ADAP1: variants seen among roughly 807,000 people sequenced by gnomAD.
ADAP1 encodes the protein ArfGAP with dual PH domains 1.
In ADAP1, 31 loss-of-function variants were observed where a neutral mutation model predicts 54.9. The ratio of observed to expected loss-of-function variants is 0.56; its 90% CI spans 0.42 to 0.76. The LOEUF (loss-of-function observed/expected upper bound fraction) is 0.76. Ranked by LOEUF, ADAP1 falls within the 30% of genes least tolerant of loss-of-function variation. The pLI, the probability that ADAP1 is intolerant of heterozygous loss-of-function variation, is 0.00. For synonymous variants in ADAP1, 313 were observed against 202.6 expected, an observed-to-expected ratio of 1.55 and a Z score of -4.63; for missense variants, 535 against 512.4, an observed-to-expected ratio of 1.04 and a Z score of -0.42.
At chr7:907,106 T>G (rs1384118633) in intron 4 of ADAP1, among the ~76,000 whole-genome samples, 1 of 152,076 alleles carries the variant, frequency 6.6e-6, no homozygotes, top group Non-Finnish European at 1.5e-5. Context: ...CATCCCCTCT[T>G]TTTTCAGGAA....
intron 1 of ADAP1, among the ~76,000 whole-genome samples, chr7:954,164 G>C (rs1847332413): frequency 1.3e-5 from 2 of 151,596 alleles, no homozygotes; most frequent in Non-Finnish European, 3.0e-5. Context: ...GTTTCCGGGG[G>C]TCCTGGGGGG....
rs1562915273 is a variant in ADAP1 at position 906,699 on chromosome 7, ACATGGGGGACGG to A, written c.389-1539_389-1528del. 6.0e-3 allele frequency among the ~76,000 whole-genome samples: 203 copies of A among 33,666 alleles called. 14 individuals carry two copies. The highest frequency in any genetic ancestry group is 0.04 in the East Asian group (10 of 250). 22.1% of individuals were successfully genotyped at this position (33,666 alleles called of 152,430 possible). Reference sequence around the variant, plus strand: ...TGGACAGGGGACACGGGGGACATGGACATGGGGGACGGGACATCGGGGACGGGACATGGGGGA... The same window carrying A: ...TGGACAGGGGACACGGGGGACATGGAGACATCGGGGACGGGACATGGGGGA... On this transcript the variant is annotated intron_variant, in intron 4 of 10. Transcript: ENST00000265846.
At position 945,926 on chromosome 7, in the gene ADAP1, A is replaced by G; in HGVS notation, c.82+8470T>C. 1.6e-6 allele frequency: 1 copy of G among 636,924 alleles called. No homozygotes were observed. Among genetic ancestry groups the G allele is most frequent in the Non-Finnish European group, 2.0e-6 (1 of 511,582 alleles). 39.5% of individuals were successfully genotyped at this position (636,924 alleles called of 1,614,324 possible). A position where few individuals can be genotyped will look rare whatever the true frequency, so the allele number is the denominator to read the frequency against. The stretch of plus-strand genomic sequence containing the variant: ...ACGGGCAGGGGGAAGGGCAGTAGCC[A>G]AGCCTGTCCATGGGGCCCTGGTTCC... On this transcript the variant is annotated intron_variant, in intron 1 of 10. Transcript: ENST00000265846. This position sits in a 1 kb window ranked among gnomAD's most constrained non-coding sequence, Gnocchi z 4.2.
rs1283219255 is a variant in ADAP1, at chr7:946,090, C to T, written c.82+8306G>A. Among the ~76,000 whole-genome samples the T allele has an allele frequency of 1.3e-5, 2 of 152,216 alleles. No homozygotes were observed. The highest frequency in any genetic ancestry group is 4.8e-5 in the African/African-American group (2 of 41,456). ...CCCTTGTGGGAGGGGCTCCGGTGCC[C>T]ACCACCCTTCACAGCTACGTGAGGC... On this transcript the variant is annotated intron_variant, in intron 1 of 10. Coordinates refer to ENST00000265846, the MANE Select transcript of ADAP1 (RefSeq NM_006869.4). This position sits in a 1 kb window ranked among gnomAD's most constrained non-coding sequence, Gnocchi z 4.3.
chr7:937,712 T>TGCCCGGCCTCTGGGATTTGGGGGTCAC (rs1846821362), intron 1 of ADAP1, among the ~76,000 whole-genome samples: 1 of 15,916 alleles, frequency 6.3e-5, no homozygotes, highest in African/African-American at 3.4e-4. Context: ...TTGGGGGTCA[T>TGCCCGGCCTCTGGGATTTGGGGGTCAC]GCCCGACCTC....
At chr7:899,632 C>T in intron 8 of ADAP1, 142 bp from the exon 9 acceptor site, 1 of 888,702 alleles carries the variant, frequency 1.1e-6, no homozygotes, top group Non-Finnish European at 1.7e-6. Flanking sequence ...GCTGGCCACG[C>T]CCCACGAGGC....
chr7:919,611 TGA>T (rs988395189), intron 4 of ADAP1, among the ~76,000 whole-genome samples: 9 of 128,218 alleles, frequency 7.0e-5, no homozygotes, highest in South Asian at 2.7e-4. Context: ...AGACAGAGAA[TGA>T]GAGACAGACA....
At chr7:944,085 T>G (rs2128111445) in intron 1 of ADAP1, among the ~76,000 whole-genome samples, 1 of 151,954 alleles carries the variant, frequency 6.6e-6, no homozygotes, top group African/African-American at 2.4e-5. Context: ...CCAGCTACTT[T>G]AAAAAACTTT....
rs571626140 is a variant in ADAP1, at chr7:907,451, G to A, written c.389-2279C>T. On this transcript the variant is annotated intron_variant, in intron 4 of 10. Transcript: ENST00000265846. Reference sequence around the variant, plus strand: ...ACCAGCTCTGCCCACTCCGAGTCTCGGGCCCGTGGGATCGTCCTGGAGCTC... The same window carrying A: ...ACCAGCTCTGCCCACTCCGAGTCTCAGGCCCGTGGGATCGTCCTGGAGCTC... 6.9e-4 allele frequency among the ~76,000 whole-genome samples: 105 copies of A among 152,232 alleles called. 2 individuals carry two copies. The highest frequency in any genetic ancestry group is 3.5e-4 in the Non-Finnish European group (24 of 67,986).
intron 1 of ADAP1, among the ~76,000 whole-genome samples, chr7:951,476 C>A (rs190459048): frequency 1.3e-5 from 2 of 152,162 alleles, no homozygotes; most frequent in Admixed American, 1.3e-4. Flanking sequence ...CCCACCCTCA[C>A]CCATGCCGGC....
At chr7:904,979 G>T (rs529288242) in intron 5 of ADAP1, 81 bp downstream of exon 5, 2 of 1,250,556 alleles carry the variant, frequency 1.6e-6, no homozygotes, top group African/African-American at 1.5e-5. Flanking sequence ...GCGGATGGAC[G>T]CGGCCACCAC....
chr7:926,798 C>T lies in ADAP1; in HGVS notation c.214-154G>A, dbSNP rs545013401. On this transcript the variant is annotated intron_variant, in intron 2 of 10. Transcript: ENST00000265846. The surrounding 1 kb of genome is among the most constrained non-coding windows in gnomAD (Gnocchi z 4.6). Reference sequence around the variant, plus strand: ...GGACGGGAACGCCACCTCCTCCTGCCCCAGGGACACCATTTCTGAGTGATC... The same window carrying T: ...GGACGGGAACGCCACCTCCTCCTGCTCCAGGGACACCATTTCTGAGTGATC... The T allele has an allele frequency of 4.1e-6, 3 of 727,606 alleles. No individual in the cohort carries two copies. In the South Asian group the frequency reaches 6.1e-5, roughly 15 times the overall value. The allele number at this position is 727,606 out of a possible 1,614,324, so 45.1% of individuals were successfully genotyped here. A position where few individuals can be genotyped will look rare whatever the true frequency, so the allele number is the denominator to read the frequency against.
Position 926,980 on chromosome 7 carries a change from G to C in ADAP1, c.214-336C>G. On this transcript the variant is annotated intron_variant, in intron 2 of 10. Coordinates refer to ENST00000265846, the MANE Select transcript of ADAP1 (RefSeq NM_006869.4). The surrounding 1 kb of genome is among the most constrained non-coding windows in gnomAD (Gnocchi z 4.6). ...CACACCGGGTGTCCCGTGGGAGAGA[G>C]CTGGCTGCATCCTGTGACCCCCATC... The C allele has an allele frequency of 7.9e-7, 1 of 1,265,892 alleles. No individual in the cohort carries two copies. Among genetic ancestry groups the C allele is most frequent in the Non-Finnish European group, 1.0e-6 (1 of 980,708 alleles). The allele number at this position is 1,265,892 out of a possible 1,614,324, so 78.4% of individuals were successfully genotyped here. A position where few individuals can be genotyped will look rare whatever the true frequency, so the allele number is the denominator to read the frequency against.
intron 4 of ADAP1, among the ~76,000 whole-genome samples, chr7:907,891 G>A (rs1188903504): frequency 2.0e-5 from 3 of 152,044 alleles, no homozygotes; most frequent in Non-Finnish European, 2.9e-5. Flanking sequence ...TCCGGAGGTC[G>A]CGGGGCCGTC....
intron 6 of ADAP1, among the ~76,000 whole-genome samples, chr7:902,159 T>C (rs1844850261): frequency 6.6e-6 from 1 of 151,008 alleles, no homozygotes; most frequent in Non-Finnish European, 1.5e-5. Flanking sequence ...CGGTCTCTAC[T>C]AAAAATACAA....
At chr7:948,860 C>A (rs1583190970) in intron 1 of ADAP1, among the ~76,000 whole-genome samples, 1 of 152,150 alleles carries the variant, frequency 6.6e-6, no homozygotes, top group African/African-American at 2.4e-5. Flanking sequence ...CCACACCCAA[C>A]TAATTTTTGT....
chr7:913,873 T>G (rs953766898), intron 4 of ADAP1, among the ~76,000 whole-genome samples: 63 of 152,282 alleles, frequency 4.1e-4, no homozygotes, highest in Non-Finnish European at 6.2e-4. Context: ...AGGTGGACAT[T>G]GCGGTGAGCT....
chr7:929,850 T>G (rs1344626369), intron 2 of ADAP1, among the ~76,000 whole-genome samples: 1 of 151,790 alleles, frequency 6.6e-6, no homozygotes, highest in Non-Finnish European at 1.5e-5. Flanking sequence ...AAGCCTGTAA[T>G]CCCAGCGCTT....
At chr7:899,602 T>C in intron 8 of ADAP1, 112 bp from the exon 9 acceptor site, 2 of 1,232,662 alleles carry the variant, frequency 1.6e-6, no homozygotes, top group Non-Finnish European at 1.1e-6. Context: ...GTCAGTCACC[T>C]CCATTCACTC....
Sources: allele counts gnomAD v4.1 joint callset (sites outside exome capture counted in the v4.1 genomes callset), GRCh38; gene constraint gnomAD v4.1.1; non-coding constraint Gnocchi (gnomAD v3.1); transcripts MANE v1.5; gene names NCBI Gene and HGNC (gene_info 2026-07-23, HGNC 2026-07-21).